CNTNAP2: variants seen among roughly 807,000 people sequenced by gnomAD.
CNTNAP2 encodes the protein contactin associated protein 2.
Under a neutral mutation model 155.2 loss-of-function variants are expected in CNTNAP2, and 98 were observed. The ratio of observed to expected loss-of-function variants is 0.63; its 90% confidence interval spans 0.54 to 0.75. The LOEUF (loss-of-function observed/expected upper bound fraction) is 0.75, where lower values mean the gene tolerates loss of function less well. CNTNAP2 is among the 30% of genes least tolerant of loss of function. The pLI is 0.00. For synonymous variants in CNTNAP2, 651 were observed against 631.2 expected, an observed-to-expected ratio of 1.03 and a Z score of -0.47; for missense variants, 1,727 against 1,688.1, an observed-to-expected ratio of 1.02 and a Z score of -0.40.
At chr7:148,329,934 C>G (rs923612770) in intron 21 of CNTNAP2, among the ~76,000 whole-genome samples, 3 of 152,238 alleles carry the variant, frequency 2.0e-5, no homozygotes, top group Non-Finnish European at 4.4e-5. Context: ...GCCCTTACCC[C>G]CGTCTGGCCT....
intron 15 of CNTNAP2, among the ~76,000 whole-genome samples, chr7:148,082,390 T>G (rs754274679): frequency 5.3e-5 from 8 of 152,192 alleles, no homozygotes; most frequent in Non-Finnish European, 1.0e-4. Context: ...GTTTTTCTCT[T>G]ATGAGTTATG....
intron 8 of CNTNAP2, among the ~76,000 whole-genome samples, chr7:147,233,236 G>A (rs1295549089): frequency 2.0e-5 from 3 of 152,104 alleles, no homozygotes; most frequent in East Asian, 3.9e-4. Context: ...GTTAACAAAC[G>A]TTCCCTATTT....
chr7:147,756,633 T>TA, intron 13 of CNTNAP2, among the ~76,000 whole-genome samples: 1 of 152,136 alleles, frequency 6.6e-6, no homozygotes, highest in South Asian at 2.1e-4. Context: ...AGGGGAACTT[T>TA]TAAGAAAAAA....
chr7:148,289,683 G>A (rs1444734560), intron 21 of CNTNAP2, among the ~76,000 whole-genome samples: 1 of 152,128 alleles, frequency 6.6e-6, no homozygotes, highest in Non-Finnish European at 1.5e-5. Flanking sequence ...TCATGCTGAT[G>A]GCTGCCACAC....
At chr7:147,972,045 T>C (rs939527067) in intron 14 of CNTNAP2, among the ~76,000 whole-genome samples, 1 of 152,210 alleles carries the variant, frequency 6.6e-6, no homozygotes, top group Non-Finnish European at 1.5e-5. Flanking sequence ...ATTATAGCTA[T>C]CTTGGTAGTG....
At chr7:148,168,321 A>G (rs939153626) in intron 17 of CNTNAP2, among the ~76,000 whole-genome samples, 1 of 152,172 alleles carries the variant, frequency 6.6e-6, no homozygotes, top group Non-Finnish European at 1.5e-5. Flanking sequence ...CCAAATGTCC[A>G]ACAATGATAG....
At chr7:147,131,825 A>G (rs1801379241) in intron 7 of CNTNAP2, among the ~76,000 whole-genome samples, 1 of 152,094 alleles carries the variant, frequency 6.6e-6, no homozygotes, top group African/African-American at 2.4e-5. Context: ...ATGTTAATTA[A>G]TGTTGGCATT....
intron 1 of CNTNAP2, among the ~76,000 whole-genome samples, chr7:146,767,766 ATGT>A (rs1802222729): frequency 6.6e-6 from 1 of 151,954 alleles, no homozygotes; most frequent in African/African-American, 2.4e-5. Context: ...CATTTATTTT[ATGT>A]TGTTATGATT....
At chr7:148,064,628 A>G (rs1803219593) in intron 15 of CNTNAP2, among the ~76,000 whole-genome samples, 1 of 151,720 alleles carries the variant, frequency 6.6e-6, no homozygotes, top group African/African-American at 2.4e-5. Context: ...ACCAACTGCA[A>G]GCAAGCTAAG....
chr7:146,710,355 G>A lies in CNTNAP2; in HGVS notation c.98-63916G>A, dbSNP rs73740806. ...AAGTGGGGAAAATGAGACACACACA[G>A]AAAAGTATAGGACAAGAGGCCTGAC... On this transcript the variant is annotated intron_variant, in intron 1 of 23. Transcript: ENST00000361727. Among the ~76,000 whole-genome samples the A allele has an allele frequency of 9.0e-4, 137 of 152,260 alleles. 1 individual carries two copies. The highest frequency in any genetic ancestry group is 3.0e-3 in the African/African-American group (125 of 41,564).
intron 8 of CNTNAP2, among the ~76,000 whole-genome samples, chr7:147,215,561 G>T (rs1329557232): frequency 6.6e-6 from 1 of 152,028 alleles, no homozygotes; most frequent in Non-Finnish European, 1.5e-5. Context: ...TGGTCTGTTT[G>T]TAGCACAGTT....
intron 1 of CNTNAP2, among the ~76,000 whole-genome samples, chr7:146,608,059 C>T (rs1000038859): frequency 1.1e-4 from 16 of 152,142 alleles, no homozygotes; most frequent in African/African-American, 1.7e-4. Context: ...TATATTTAAG[C>T]ATTATTAATA....
chr7:147,890,097 C>T (rs1799665709), intron 13 of CNTNAP2, among the ~76,000 whole-genome samples: 1 of 152,132 alleles, frequency 6.6e-6, no homozygotes, highest in African/African-American at 2.4e-5. Context: ...TCTAAATAAT[C>T]CCTGCACTGT....
intron 1 of CNTNAP2, among the ~76,000 whole-genome samples, chr7:146,317,470 G>A (rs1800926496): frequency 6.6e-6 from 1 of 152,066 alleles, no homozygotes; most frequent in African/African-American, 2.4e-5. Context: ...CTTTTGTATA[G>A]TTCTTTCAGC....
chr7:147,511,704 C>T (rs1251500812), intron 11 of CNTNAP2, among the ~76,000 whole-genome samples: 1 of 152,114 alleles, frequency 6.6e-6, no homozygotes, highest in African/African-American at 2.4e-5. Flanking sequence ...GGCATCCAAT[C>T]ATACTTAGTC....
intron 1 of CNTNAP2, among the ~76,000 whole-genome samples, chr7:146,572,365 G>C (rs1040483884): frequency 6.6e-6 from 1 of 151,198 alleles, no homozygotes; most frequent in Admixed American, 6.6e-5. Flanking sequence ...TGAAGACTGG[G>C]TCTCCTATCT....
chr7:146,269,339 A>C (rs775058613), intron 1 of CNTNAP2, among the ~76,000 whole-genome samples: 9 of 149,580 alleles, frequency 6.0e-5, no homozygotes, highest in Non-Finnish European at 9.0e-5. Flanking sequence ...ACTCCATCTC[A>C]AATCAATCAA....
At chr7:146,599,821 A>G (rs1174061606) in intron 1 of CNTNAP2, among the ~76,000 whole-genome samples, 1 of 134,942 alleles carries the variant, frequency 7.4e-6, no homozygotes, top group Non-Finnish European at 1.6e-5. Flanking sequence ...TTGTGCTTAC[A>G]ATGCCTAGAA....
At chr7:148,158,357 G>T (rs1805445291) in intron 17 of CNTNAP2, among the ~76,000 whole-genome samples, 1 of 149,840 alleles carries the variant, frequency 6.7e-6, no homozygotes, top group Non-Finnish European at 1.5e-5. Flanking sequence ...CAGGTAGCTG[G>T]GACTACAGGC....
Sources: allele counts gnomAD v4.1 joint callset (sites outside exome capture counted in the v4.1 genomes callset), GRCh38; gene constraint gnomAD v4.1.1; transcripts MANE v1.5; gene names NCBI Gene and HGNC (gene_info 2026-07-23, HGNC 2026-07-21).